Variants in CA10 observed in about 807,000 individuals in gnomAD.
The protein encoded by CA10 is carbonic anhydrase-related protein 10.
In CA10, 14 loss-of-function variants were observed where a neutral mutation model predicts 44.2. The observed-to-expected ratio is 0.32, with a 90% confidence interval of 0.21 to 0.50. The LOEUF is 0.50. CA10 is among the 20% of genes least tolerant of loss of function. The probability of loss-of-function intolerance (pLI) is 0.99; values close to 1 mark genes in which losing one functional copy is unlikely to be tolerated. For synonymous variants in CA10, 159 were observed against 141.6 expected (o/e 1.12, Z -0.87); for missense variants, 350 against 409.7 (o/e 0.85, Z 1.26).
Position 51,770,553 on chromosome 17 carries a change from C to T in CA10, c.280-22735G>A, listed in dbSNP as rs528758100. 4.5e-4 allele frequency among the ~76,000 whole-genome samples: 68 copies of T among 152,320 alleles called. No individual in the cohort carries two copies. The Middle Eastern group carries it at 0.014, about 30-fold the overall frequency. On this transcript the variant is annotated intron_variant, in intron 3 of 8. Transcript: ENST00000451037. ...TGAGCACAGTATCTCACTGAGTCAT[C>T]ACAGTAATCCTGTGAGCTGGTACTG...
Position 51,679,521 on chromosome 17 carries a change from A to G in CA10, c.466-25785T>C, listed in dbSNP as rs1423923261. On this transcript the variant is annotated intron_variant, in intron 4 of 8. Transcript: ENST00000451037. ...CGTGATCTGCCCGCCTTGGCCTCCCAAAGTGCTGGGATTACAGGCATGAGC... is the reference window on the plus strand; with the variant it reads ...CGTGATCTGCCCGCCTTGGCCTCCCGAAGTGCTGGGATTACAGGCATGAGC... Among the ~76,000 whole-genome samples the G allele has an allele frequency of 2.7e-5, 4 of 149,602 alleles. No individual in the cohort carries two copies. In the East Asian group the frequency reaches 6.0e-4, roughly 22 times the overall value.
At chr17:51,747,258 G>A (rs1264671537) in intron 4 of CA10, among the ~76,000 whole-genome samples, 1 of 152,224 alleles carries the variant, frequency 6.6e-6, no homozygotes, top group Non-Finnish European at 1.5e-5. Context: ...TATGGAATCT[G>A]TGCTATCATA....
Position 52,089,607 on chromosome 17 carries a change from T to A in CA10, c.62-17214A>T, listed in dbSNP as rs186560116. ...GTGACTATTTATACTGTTTTTTTTTTCCCTCTATACGTAGACACTTATGAT... is the reference window on the plus strand; with the variant it reads ...GTGACTATTTATACTGTTTTTTTTTACCCTCTATACGTAGACACTTATGAT... On this transcript the variant is annotated intron_variant, in intron 1 of 8. Transcript: ENST00000451037. Among the ~76,000 whole-genome samples the A allele has an allele frequency of 2.6e-5, 4 of 152,202 alleles. No individual in the cohort carries two copies. In the East Asian group the frequency reaches 7.7e-4, roughly 29 times the overall value.
chr17:52,131,264 C>G (rs982465803), intron 1 of CA10, among the ~76,000 whole-genome samples: 1 of 152,144 alleles, frequency 6.6e-6, no homozygotes, highest in Non-Finnish European at 1.5e-5. Context: ...TTGTTCCACC[C>G]TCTTCTAATA....
intron 2 of CA10, among the ~76,000 whole-genome samples, chr17:52,066,617 G>T (rs2143115175): frequency 6.6e-6 from 1 of 152,318 alleles, no homozygotes; most frequent in Middle Eastern, 3.4e-3. Flanking sequence ...ATGATTATGA[G>T]ACCTTCTCAG....
chr17:51,991,669 C>T (rs1484644644), intron 2 of CA10, among the ~76,000 whole-genome samples: 1 of 151,998 alleles, frequency 6.6e-6, no homozygotes, highest in Non-Finnish European at 1.5e-5. Context: ...ATTAGCTGGG[C>T]GTGGTGGCAC....
intron 3 of CA10, among the ~76,000 whole-genome samples, chr17:51,879,133 A>G (rs540110578): frequency 8.0e-4 from 121 of 151,968 alleles, no homozygotes; most frequent in African/African-American, 2.8e-3. Flanking sequence ...AATGGAACTT[A>G]AACAACTGAA....
intron 1 of CA10, among the ~76,000 whole-genome samples, chr17:52,081,794 C>T (rs1463367914): frequency 9.4e-6 from 1 of 106,018 alleles, no homozygotes; most frequent in African/African-American, 3.3e-5. Flanking sequence ...AGCGAGACTC[C>T]GTCTCAAAAA....
Position 51,631,487 on chromosome 17 carries a change from AAAG to A in CA10, c.*94_*96del, listed in dbSNP as rs757777257. ...CCCAAGAATGAATGAGGCTTGGGGG[AAAG>A]AAGGAGAGAGAAGCAAGAAGGGGGA... On this transcript the variant is annotated 3_prime_UTR_variant, in exon 9 of 9. Coordinates refer to ENST00000451037, the MANE Select transcript of CA10 (RefSeq NM_020178.5). The A allele has an allele frequency of 1.3e-5, 15 of 1,139,378 alleles. No individual in the cohort carries two copies. In the East Asian group the frequency reaches 3.3e-4, roughly 25 times the overall value. The allele number at this position is 1,139,378 out of a possible 1,614,324, so 70.6% of individuals were successfully genotyped here.
At chr17:52,135,179 G>A (rs914041348) in intron 1 of CA10, 3 of 343,540 alleles carry the variant, frequency 8.7e-6, no homozygotes, top group Non-Finnish European at 1.2e-5. Flanking sequence ...ACATGCCTCA[G>A]TATATCCCTC....
chr17:51,860,500 T>C (rs1979255254), intron 3 of CA10, among the ~76,000 whole-genome samples: 1 of 152,196 alleles, frequency 6.6e-6, no homozygotes, highest in Non-Finnish European at 1.5e-5. Flanking sequence ...GCTGCAGATA[T>C]GCAAGAATAA....
chr17:52,015,234 C>T (rs570864665), intron 2 of CA10, among the ~76,000 whole-genome samples: 32 of 152,114 alleles, frequency 2.1e-4, no homozygotes, highest in Non-Finnish European at 4.0e-4. Context: ...TGAGACAATA[C>T]TTGATTATTT....
chr17:51,807,010 T>G (rs1907164571), intron 3 of CA10, among the ~76,000 whole-genome samples: 1 of 152,212 alleles, frequency 6.6e-6, no homozygotes, highest in African/African-American at 2.4e-5. Flanking sequence ...AATTTCATTA[T>G]CCCCATTTTA....
chr17:51,632,325 GAGA>G (rs528103057), intron 8 of CA10, among the ~76,000 whole-genome samples: 251 of 152,308 alleles, frequency 1.6e-3, no homozygotes, highest in Non-Finnish European at 2.4e-3. Flanking sequence ...TTTGACTAAA[GAGA>G]AGAAGCAATG....
chr17:51,973,992 G>A (rs1164974197), intron 2 of CA10, among the ~76,000 whole-genome samples: 1 of 152,034 alleles, frequency 6.6e-6, no homozygotes, highest in Non-Finnish European at 1.5e-5. Flanking sequence ...GATAAAGTAA[G>A]CATATACTTA....
intron 4 of CA10, among the ~76,000 whole-genome samples, chr17:51,656,518 TTG>T (rs1913800072): frequency 6.6e-6 from 1 of 152,246 alleles, no homozygotes; most frequent in Non-Finnish European, 1.5e-5. Flanking sequence ...GGACTGTCTA[TTG>T]TGTTAGGTTG....
intron 3 of CA10, among the ~76,000 whole-genome samples, chr17:51,904,224 T>C (rs1981443778): frequency 6.6e-6 from 1 of 152,132 alleles, no homozygotes; most frequent in South Asian, 2.1e-4. Context: ...CTTATTATAT[T>C]CTTAGAAGGT....
At chr17:51,904,477 C>T (rs1981455943) in intron 3 of CA10, among the ~76,000 whole-genome samples, 1 of 152,046 alleles carries the variant, frequency 6.6e-6, no homozygotes, top group Non-Finnish European at 1.5e-5. Flanking sequence ...CAAGAAGAGT[C>T]CCCCAGCTTC....
At chr17:52,071,653 C>T (rs111566592) in intron 2 of CA10, among the ~76,000 whole-genome samples, 561 of 152,218 alleles carry the variant, frequency 3.7e-3, no homozygotes, top group African/African-American at 0.013. Context: ...TGAAATATGT[C>T]ACCTGCCTTC....
Sources: gnomAD v4.1 joint callset for allele counts (sites outside exome capture counted in the v4.1 genomes callset) on GRCh38, gnomAD v4.1.1 for gene constraint, MANE v1.5 for transcripts, NCBI Gene and HGNC (gene_info 2026-07-23, HGNC 2026-07-21) for gene names.